Variants in ANKS1B observed in about 807,000 individuals in gnomAD.
ANKS1B encodes the protein ankyrin repeat and sterile alpha motif domain containing 1B, also known as ankyrin repeat and sterile alpha motif domain-containing protein 1B.
ANKS1B carries 36 observed loss-of-function variants against 148.3 expected under a neutral mutation model. The ratio of observed to expected loss-of-function variants is 0.24; its 90% CI spans 0.19 to 0.32. The LOEUF is 0.32. Among genes scored for constraint, ANKS1B ranks in the 10% least tolerant of loss-of-function variants. ANKS1B has a pLI of 1.00. For missense variants in ANKS1B, 1,157 were observed against 1,542.6 expected (o/e 0.75, Z 4.19); for synonymous variants, 542 against 560.8 (o/e 0.97, Z 0.47).
chr12:99,074,084 T>C (rs2047075333), intron 16 of ANKS1B, among the ~76,000 whole-genome samples: 1 of 152,164 alleles, frequency 6.6e-6, no homozygotes, highest in South Asian at 2.1e-4. Flanking sequence ...TGCTCAGATA[T>C]CTAAAGCCCT....
At chr12:99,355,565 C>G (rs753776851) in intron 12 of ANKS1B, among the ~76,000 whole-genome samples, 3 of 152,108 alleles carry the variant, frequency 2.0e-5, no homozygotes, top group Non-Finnish European at 4.4e-5. Context: ...GTTTGCTTGG[C>G]TTTCTGATTT....
intron 14 of ANKS1B, among the ~76,000 whole-genome samples, chr12:99,203,225 C>T (rs1404823043): frequency 1.3e-5 from 2 of 152,034 alleles, no homozygotes; most frequent in Non-Finnish European, 2.9e-5. Context: ...AGCTCCTTAC[C>T]AAGGGGCCAT....
rs868139693 is a variant in ANKS1B at position 99,086,899 on chromosome 12, C to G, written c.2527-1876G>C. ...TTAGTGATGAGTACCATTAGACACT[C>G]AAAGCAAAGGAGAATGAATTTGAAA... On this transcript the variant is annotated intron_variant, in intron 15 of 26. Coordinates refer to ENST00000683438, the MANE Select transcript of ANKS1B (RefSeq NM_001352186.2). Among the ~76,000 whole-genome samples the G allele has an allele frequency of 3.9e-5, 6 of 152,216 alleles. No homozygotes were observed. The South Asian group carries it at 8.3e-4, about 21-fold the overall frequency.
At chr12:99,949,056 C>T (rs895752814) in intron 1 of ANKS1B, among the ~76,000 whole-genome samples, 1 of 152,096 alleles carries the variant, frequency 6.6e-6, no homozygotes, top group African/African-American at 2.4e-5. Context: ...CACTTTTAAC[C>T]CTCTTAAGAG....
chr12:99,554,165 A>G (rs1390940804), intron 9 of ANKS1B, among the ~76,000 whole-genome samples: 3 of 152,194 alleles, frequency 2.0e-5, no homozygotes, highest in Admixed American at 1.3e-4. Context: ...GCCTACAGCC[A>G]AAAGAGATCC....
chr12:99,765,745 T>C lies in ANKS1B; in HGVS notation c.1128+7177A>G, dbSNP rs545280711. On this transcript the variant is annotated intron_variant, in intron 8 of 26. Coordinates refer to ENST00000683438, the MANE Select transcript of ANKS1B (RefSeq NM_001352186.2). ...TCTACGTTGACATTTTGTGACTATT[T>C]AGAACGTCTGGACAAAATTGGACAA... 2.0e-4 allele frequency among the ~76,000 whole-genome samples: 31 copies of C among 152,304 alleles called. No homozygotes were observed. The South Asian group carries it at 6.4e-3, about 32-fold the overall frequency.
chr12:99,525,199 A>C (rs2096915046), intron 9 of ANKS1B, among the ~76,000 whole-genome samples: 1 of 152,196 alleles, frequency 6.6e-6, no homozygotes, highest in Non-Finnish European at 1.5e-5. Flanking sequence ...TCACACAGGG[A>C]GGCATGGGCT....
intron 10 of ANKS1B, among the ~76,000 whole-genome samples, chr12:99,453,637 C>T (rs182411280): frequency 4.0e-4 from 61 of 152,306 alleles, no homozygotes; most frequent in Admixed American, 1.8e-3. Flanking sequence ...AGAGGCATCC[C>T]GCTAAGTCCC....
At chr12:99,127,827 T>C (rs539396553) in intron 15 of ANKS1B, among the ~76,000 whole-genome samples, 1 of 152,262 alleles carries the variant, frequency 6.6e-6, no homozygotes. Context: ...TGATTGCATC[T>C]GCCATTTGCC....
At position 99,085,027 on chromosome 12, in the gene ANKS1B, A is replaced by G. The variant is rs773373318; in HGVS notation, c.2527-4T>C. 1.9e-6 allele frequency: 3 copies of G among 1,597,600 alleles called. No homozygotes were observed. The South Asian group carries it at 3.4e-5, about 18-fold the overall frequency. ...GATCTTCCATAACATTGCTTCCCTG[A>G]AACAAAACAGAAATGTTACAAGTTA... On this transcript the variant is annotated splice_polypyrimidine_tract_variant and splice_region_variant and intron_variant, in intron 15 of 26. Transcript: ENST00000683438.
At chr12:99,072,638 C>A (rs970113011) in intron 16 of ANKS1B, among the ~76,000 whole-genome samples, 1 of 152,116 alleles carries the variant, frequency 6.6e-6, no homozygotes, top group Non-Finnish European at 1.5e-5. Flanking sequence ...TGAAGTACAG[C>A]GTTTAGACAA....
intron 9 of ANKS1B, among the ~76,000 whole-genome samples, chr12:99,586,482 C>G (rs1345082704): frequency 6.6e-6 from 1 of 152,198 alleles, no homozygotes; most frequent in African/African-American, 2.4e-5. Context: ...CTGAGCCCTC[C>G]CAGTCTCTAG....
chr12:99,803,751 A>G (rs1447767839), intron 4 of ANKS1B, among the ~76,000 whole-genome samples: 2 of 152,218 alleles, frequency 1.3e-5, no homozygotes, highest in Admixed American at 1.3e-4. Context: ...CACATATGCA[A>G]GCTAAAGGCC....
In ANKS1B at chr12:99,928,782, A is replaced by G. The variant is rs573608839; in HGVS notation, c.134+55322T>C. ...ATGAGAACTTAGTCACAAAGGGTAT[A>G]AACCCTCTCAGGATCGTAACTCCAG... On this transcript the variant is annotated intron_variant, in intron 1 of 26. Transcript: ENST00000683438. 1.5e-3 allele frequency among the ~76,000 whole-genome samples: 223 copies of G among 152,318 alleles called. 1 individual carries two copies. The highest frequency in any genetic ancestry group is 5.1e-3 in the African/African-American group (210 of 41,566).
chr12:98,876,626 C>T (rs2099691209), intron 17 of ANKS1B, among the ~76,000 whole-genome samples: 1 of 152,160 alleles, frequency 6.6e-6, no homozygotes, highest in African/African-American at 2.4e-5. Flanking sequence ...AAAGACAATA[C>T]TTATCCAAAG....
At chr12:99,287,685 C>G (rs2079325164) in intron 12 of ANKS1B, among the ~76,000 whole-genome samples, 1 of 152,082 alleles carries the variant, frequency 6.6e-6, no homozygotes. Flanking sequence ...AGAATCTTAT[C>G]AGATAAATTT....
At chr12:99,085,075 T>A (rs1039995604) in intron 15 of ANKS1B, 52 bp from the exon 16 acceptor site, 2 of 1,396,670 alleles carry the variant, frequency 1.4e-6, no homozygotes, top group Non-Finnish European at 2.0e-6. Flanking sequence ...ATACTGTGGA[T>A]AAATAACAAG....
At chr12:99,401,661 T>C (rs562598306) in intron 11 of ANKS1B, among the ~76,000 whole-genome samples, 2 of 146,660 alleles carry the variant, frequency 1.4e-5, no homozygotes, top group South Asian at 4.2e-4. Flanking sequence ...GTAAGCACTG[T>C]GATAGGAATA....
In ANKS1B at chr12:99,984,122, G is replaced by A. The variant is rs371362237; in HGVS notation, c.116C>T (p.Pro39Leu). 1 of 1,613,346 alleles carries A rather than the reference G, an allele frequency of 6.2e-7. No individual in the cohort carries two copies. The highest frequency in any genetic ancestry group is 1.3e-5 in the African/African-American group (1 of 74,884). ...TCCTTACCTTAGCAGATTAGACAGG[G>A]GCAGGGGTCCGGATCCACCGCCCAG... is the stretch of plus-strand genomic sequence containing the variant. ...GILGGGSGPL[P>L]LSNLLSIWRG... Residue 39 changes from proline to leucine, a missense_variant, in exon 1 of 27, where the codon CCC (proline) becomes CTC (leucine). Pro to Leu is a moderately conservative substitution (Grantham distance 98, BLOSUM62 -3). Transcript: ENST00000683438.
Sources: allele counts gnomAD v4.1 joint callset (sites outside exome capture counted in the v4.1 genomes callset), GRCh38; gene constraint gnomAD v4.1.1; transcripts MANE v1.5; gene names NCBI Gene and HGNC (gene_info 2026-07-23, HGNC 2026-07-21).